ADK: variants seen among roughly 807,000 people sequenced by gnomAD.
ADK encodes N6,N6-dimethyladenosine kinase.
In ADK, 24 loss-of-function variants were observed where a neutral mutation model predicts 44.7. The observed-to-expected ratio is 0.54, with a 90% CI of 0.39 to 0.76. ADK has a LOEUF of 0.76. Among genes scored for constraint, ADK ranks in the 30% least tolerant of loss-of-function variants. The probability of loss-of-function intolerance (pLI) is 0.00; values close to 1 mark genes in which losing one functional copy is unlikely to be tolerated. For synonymous variants in ADK, 128 were observed against 142.6 expected (o/e 0.90, Z 0.73); for missense variants, 321 against 425.1 (o/e 0.76, Z 2.15).
chr10:74,419,370 C>G (rs1844480788), intron 6 of ADK, among the ~76,000 whole-genome samples: 1 of 151,990 alleles, frequency 6.6e-6, no homozygotes, highest in Non-Finnish European at 1.5e-5. Flanking sequence ...TGTGATAAAG[C>G]ATATTACTAG....
At chr10:74,274,730 G>GTATATATATATATATATATATATATATA (rs1200421234) in intron 3 of ADK, among the ~76,000 whole-genome samples, 10 of 40,558 alleles carry the variant, frequency 2.5e-4, no homozygotes, top group Admixed American at 2.1e-3. Context: ...ATTTTAATGT[G>GTATATATATATATATATATATATATATA]TGTATATATA....
intron 9 of ADK, among the ~76,000 whole-genome samples, chr10:74,640,210 G>A (rs1853790697): frequency 6.6e-6 from 1 of 152,228 alleles, no homozygotes; most frequent in Non-Finnish European, 1.5e-5. Flanking sequence ...AGGGACTAAT[G>A]AGGCAGGGCC....
chr10:74,532,491 AC>A (rs1554877093), intron 7 of ADK, among the ~76,000 whole-genome samples: 1 of 150,822 alleles, frequency 6.6e-6, no homozygotes, highest in East Asian at 1.9e-4. Flanking sequence ...AAAAAAAAAA[AC>A]CCTTGGAATA....
At chr10:74,445,333 G>A (rs957082519) in intron 6 of ADK, among the ~76,000 whole-genome samples, 1 of 151,742 alleles carries the variant, frequency 6.6e-6, no homozygotes, top group Non-Finnish European at 1.5e-5. Context: ...AACACCTTAT[G>A]TTTCTTATTA....
At chr10:74,327,085 T>G (rs1247821505) in intron 4 of ADK, among the ~76,000 whole-genome samples, 1 of 152,132 alleles carries the variant, frequency 6.6e-6, no homozygotes, top group Non-Finnish European at 1.5e-5. Context: ...GAGTTTGGCT[T>G]GTTCTTGTTT....
At chr10:74,225,252 A>G (rs965275845) in intron 3 of ADK, among the ~76,000 whole-genome samples, 1 of 151,760 alleles carries the variant, frequency 6.6e-6, no homozygotes, top group Non-Finnish European at 1.5e-5. Context: ...TAAATTTTGT[A>G]TTTTAAGTAG....
chr10:74,276,615 G>A (rs1391553545), intron 3 of ADK, among the ~76,000 whole-genome samples: 1 of 152,228 alleles, frequency 6.6e-6, no homozygotes, highest in African/African-American at 2.4e-5. Context: ...TGGGAGGATA[G>A]TGTATGTTCC....
At chr10:74,420,255 G>T (rs1844513341) in intron 6 of ADK, among the ~76,000 whole-genome samples, 1 of 152,096 alleles carries the variant, frequency 6.6e-6, no homozygotes, top group South Asian at 2.1e-4. Context: ...GGTGGTTGGG[G>T]TCAGGAAGGG....
intron 10 of ADK, among the ~76,000 whole-genome samples, chr10:74,696,343 A>T (rs1856203323): frequency 6.7e-6 from 1 of 149,190 alleles, no homozygotes; most frequent in Non-Finnish European, 1.5e-5. Flanking sequence ...TTTTATTTTT[A>T]TTTTTTATTT....
intron 7 of ADK, among the ~76,000 whole-genome samples, chr10:74,557,115 T>C (rs1850281387): frequency 6.6e-6 from 1 of 152,196 alleles, no homozygotes; most frequent in Admixed American, 6.5e-5. Context: ...AAATATTCTT[T>C]ATTGAAACTA....
chr10:74,343,625 T>G (rs1489007829), intron 4 of ADK, among the ~76,000 whole-genome samples: 2 of 152,202 alleles, frequency 1.3e-5, no homozygotes, highest in East Asian at 3.8e-4. Flanking sequence ...GTTTGTTTTT[T>G]GAGACGGAGT....
At chr10:74,514,741 C>T (rs1848493870) in intron 6 of ADK, among the ~76,000 whole-genome samples, 1 of 152,098 alleles carries the variant, frequency 6.6e-6, no homozygotes, top group Non-Finnish European at 1.5e-5. Context: ...TTTTTTCCCA[C>T]ATTTCATATA....
intron 9 of ADK, among the ~76,000 whole-genome samples, chr10:74,621,284 A>G (rs1475571373): frequency 6.6e-6 from 1 of 152,182 alleles, no homozygotes; most frequent in East Asian, 1.9e-4. Flanking sequence ...GCATATGACT[A>G]GATGCATATT....
intron 4 of ADK, among the ~76,000 whole-genome samples, chr10:74,392,650 A>G (rs528132744): frequency 3.3e-5 from 5 of 152,190 alleles, no homozygotes; most frequent in Non-Finnish European, 7.4e-5. Context: ...ATATAATCAC[A>G]TTTATCTATT....
intron 5 of ADK, among the ~76,000 whole-genome samples, chr10:74,397,340 A>G (rs985054427): frequency 6.6e-6 from 1 of 151,886 alleles, no homozygotes; most frequent in Non-Finnish European, 1.5e-5. Context: ...CATATTACCA[A>G]AGTCTGAAAT....
chr10:74,637,328 A>C (rs1433166834), intron 9 of ADK, among the ~76,000 whole-genome samples: 1 of 152,224 alleles, frequency 6.6e-6, no homozygotes, highest in Non-Finnish European at 1.5e-5. Flanking sequence ...TAAAAGAAAA[A>C]AAAATGCCTT....
At chr10:74,280,033 C>A (rs900985924) in intron 3 of ADK, among the ~76,000 whole-genome samples, 2 of 152,158 alleles carry the variant, frequency 1.3e-5, no homozygotes, top group East Asian at 3.8e-4. Context: ...TCTCTTAAAA[C>A]AAACAAAAAG....
intron 3 of ADK, among the ~76,000 whole-genome samples, chr10:74,255,481 T>G (rs1319321098): frequency 6.6e-6 from 1 of 152,164 alleles, no homozygotes; most frequent in Non-Finnish European, 1.5e-5. Flanking sequence ...GCTTTTACCT[T>G]TGAGCCACAA....
At chr10:74,555,168 C>A in intron 7 of ADK, among the ~76,000 whole-genome samples, 1 of 152,148 alleles carries the variant, frequency 6.6e-6, no homozygotes. Context: ...TGGCCCATGC[C>A]TGTAGTCTCA....
Sources: gnomAD v4.1 joint callset for allele counts (sites outside exome capture counted in the v4.1 genomes callset) on GRCh38, gnomAD v4.1.1 for gene constraint, MANE v1.5 for transcripts, NCBI Gene and HGNC (gene_info 2026-07-23, HGNC 2026-07-21) for gene names.